Variants in RAB14 observed in about 807,000 individuals in gnomAD.
RAB14 encodes the protein ras-related protein Rab-14.
RAB14 carries 3 observed loss-of-function variants against 31.1 expected under a neutral mutation model. The ratio of observed to expected loss-of-function variants is 0.10; its 90% CI spans 0.04 to 0.25. The LOEUF (loss-of-function observed/expected upper bound fraction) is 0.25. Ranked by LOEUF, RAB14 falls within the 10% of genes least tolerant of loss-of-function variation. The probability of loss-of-function intolerance (pLI) is 1.00; values close to 1 mark genes in which losing one functional copy is unlikely to be tolerated. For synonymous variants in RAB14, 85 were observed against 84.9 expected (o/e 1.00, Z 0.00); for missense variants, 111 against 260.1 (o/e 0.43, Z 3.94).
At chr9:121,190,774 C>A (rs1487489855) in intron 3 of RAB14, 43 bp from the exon 4 acceptor site, 1 of 1,589,170 alleles carries the variant, frequency 6.3e-7, no homozygotes, top group Non-Finnish European at 8.6e-7. Context: ...TTTCAGAAAA[C>A]TTCAAATTAA....
chr9:121,189,830 C>T (rs896938349), intron 4 of RAB14, among the ~76,000 whole-genome samples: 1 of 152,096 alleles, frequency 6.6e-6, no homozygotes, highest in Non-Finnish European at 1.5e-5. Flanking sequence ...TTGCTTTTGA[C>T]TGGCACTTTA....
At chr9:121,194,645 A>G (rs2053705443) in intron 1 of RAB14, among the ~76,000 whole-genome samples, 1 of 151,958 alleles carries the variant, frequency 6.6e-6, no homozygotes, top group Non-Finnish European at 1.5e-5. Flanking sequence ...AGTATTTTTA[A>G]GCCTGGCTTT....
Position 121,187,029 on chromosome 9 carries a change from TAA to T in RAB14, c.285-12_285-11del, listed in dbSNP as rs1490424863. ...GTTATATGTACTTCTTCTGCAAAAA[TAA>T]AAGTTTAAATTTGTGACTGCCATAT... On this transcript the variant is annotated splice_polypyrimidine_tract_variant and intron_variant, in intron 4 of 7. Transcript: ENST00000373840. 6.5e-7 allele frequency: 1 copy of T among 1,528,370 alleles called. No homozygotes were observed. The highest frequency in any genetic ancestry group is 1.4e-5 in the African/African-American group (1 of 70,928). The allele number at this position is 1,528,370 out of a possible 1,614,324, so 94.7% of individuals were successfully genotyped here. A position where few individuals can be genotyped will look rare whatever the true frequency, so the allele number is the denominator to read the frequency against.
At chr9:121,187,091 ATATT>A (rs1385514963) in intron 4 of RAB14, 72 bp from the exon 5 acceptor site, 2 of 868,840 alleles carry the variant, frequency 2.3e-6, no homozygotes, top group African/African-American at 1.8e-5. Flanking sequence ...TTTAAAATAC[ATATT>A]TAATCAACAT....
chr9:121,181,501 C>T lies in RAB14; in HGVS notation c.543G>A (p.Leu181=). The T allele has an allele frequency of 6.2e-7, 1 of 1,613,486 alleles. No individual in the cohort carries two copies. The highest frequency in any genetic ancestry group is 8.5e-7 in the Non-Finnish European group (1 of 1,179,510). The change falls in exon 8 of 8, where the codon TTG becomes TTA. Residue 181 remains leucine, a synonymous_variant. Coordinates refer to ENST00000373840, the MANE Select transcript of RAB14 (RefSeq NM_016322.4). The part of the protein sequence containing the change: ...KIYQNIQDGS[L]DLNAAESGVQ... ...CACCAGACTCAGCAGCATTCAGATC[C>T]AAGCTTCCATCCTGAATGTTCTGAT...
Position 121,186,798 on chromosome 9 carries a change from A to G in RAB14, c.351+155T>C, listed in dbSNP as rs185836182. 2.8e-4 allele frequency among the ~76,000 whole-genome samples: 43 copies of G among 152,300 alleles called. 1 individual carries two copies. Among genetic ancestry groups the G allele is most frequent in the Admixed American group, 2.7e-3 (42 of 15,288 alleles). The stretch of plus-strand genomic sequence containing the variant: ...AACCTGGTTTAATAAGAACTGAAAA[A>G]TAACTGTTAGGTTTTCTTCAACTAA... On this transcript the variant is annotated intron_variant, in intron 5 of 7. Transcript: ENST00000373840.
intron 4 of RAB14, 34 bp downstream of exon 4, chr9:121,190,520 T>C (rs1045867098): frequency 8.5e-6 from 13 of 1,521,748 alleles, no homozygotes; most frequent in Non-Finnish European, 9.7e-6. Context: ...TAGATTTATT[T>C]TCCCCATATG....
In RAB14 at chr9:121,183,186, T is replaced by A. The variant is rs2053642478; in HGVS notation, c.439+125A>T. The stretch of plus-strand genomic sequence containing the variant: ...GAAATAGAAACACATTGTTACTTCC[T>A]CATTCTTGAGATTTCTGAGTCTGCA... On this transcript the variant is annotated intron_variant, in intron 6 of 7. Transcript: ENST00000373840. The A allele has an allele frequency of 1.9e-5, 16 of 840,782 alleles. No homozygotes were observed. The South Asian group carries it at 2.4e-4, about 13-fold the overall frequency. 52.1% of individuals were successfully genotyped at this position (840,782 alleles called of 1,614,324 possible).
At position 121,190,882 on chromosome 9, in the gene RAB14, C is replaced by T. The variant is rs1054149643; in HGVS notation, c.107-151G>A. The T allele has an allele frequency of 2.7e-5, 20 of 746,182 alleles. No homozygotes were observed. The African/African-American group carries it at 2.9e-4, about 11-fold the overall frequency. The allele number at this position is 746,182 out of a possible 1,614,324, so 46.2% of individuals were successfully genotyped here. On this transcript the variant is annotated intron_variant, in intron 3 of 7. Coordinates refer to ENST00000373840, the MANE Select transcript of RAB14 (RefSeq NM_016322.4). ...TACCGCTAAAAAAAAAATTAACAAA[C>T]ACCCAGAAGTAAGAAGTCAGGGAAA...
At chr9:121,185,847 C>A (rs1356217014) in intron 5 of RAB14, among the ~76,000 whole-genome samples, 2 of 152,024 alleles carry the variant, frequency 1.3e-5, no homozygotes. Context: ...CAGTTCTGGG[C>A]TACTGGAAAT....
At position 121,192,234 on chromosome 9, in the gene RAB14, A is replaced by G. The variant is rs2053690952; in HGVS notation, c.53-10T>C. 7 of 1,586,124 alleles carry G rather than the reference A, an allele frequency of 4.4e-6. No individual in the cohort carries two copies. The highest frequency in any genetic ancestry group is 1.8e-5 in the Admixed American group (1 of 56,882). ...CCTACTCCCATGTCCCCTGTTTAAA[A>G]AAAAAGAAGTTTCAGGTGGCAATTA... On this transcript the variant is annotated splice_polypyrimidine_tract_variant and intron_variant, in intron 2 of 7. Transcript: ENST00000373840.
chr9:121,200,346 T>C (rs1381422817), intron 1 of RAB14, among the ~76,000 whole-genome samples: 1 of 152,186 alleles, frequency 6.6e-6, no homozygotes, highest in Non-Finnish European at 1.5e-5. Flanking sequence ...TCCTCTACAA[T>C]ATTTACCTTA....
intron 1 of RAB14, among the ~76,000 whole-genome samples, chr9:121,199,201 A>C (rs1181174235): frequency 6.6e-6 from 1 of 152,254 alleles, no homozygotes; most frequent in Non-Finnish European, 1.5e-5. Context: ...ATTGTGTCTG[A>C]GATTTGCTTC....
chr9:121,187,995 A>T (rs1282686257), intron 4 of RAB14, among the ~76,000 whole-genome samples: 1 of 151,988 alleles, frequency 6.6e-6, no homozygotes, highest in Non-Finnish European at 1.5e-5. Context: ...CATGATCTCT[A>T]GCTGCCAGTT....
intron 1 of RAB14, among the ~76,000 whole-genome samples, chr9:121,201,342 AG>A (rs1049087427): frequency 2.0e-5 from 3 of 152,118 alleles, no homozygotes; most frequent in African/African-American, 7.2e-5. Flanking sequence ...AAGGCGGGGA[AG>A]GCGAGGCCGG....
chr9:121,199,412 T>C lies in RAB14; in HGVS notation c.-8+2227A>G, dbSNP rs1196116941. ...TTTGTCAAACTGTTGTCTTTAGCCA[T>C]GCCTGGCATTTTTTACCACATAAAA... On this transcript the variant is annotated intron_variant, in intron 1 of 7. Coordinates refer to ENST00000373840, the MANE Select transcript of RAB14 (RefSeq NM_016322.4). Among the ~76,000 whole-genome samples, 3 of 152,372 alleles carry C rather than the reference T, an allele frequency of 2.0e-5. No individual in the cohort carries two copies. The East Asian group carries it at 5.8e-4, about 29-fold the overall frequency.
intron 1 of RAB14, among the ~76,000 whole-genome samples, chr9:121,200,185 G>C (rs1195457780): frequency 6.6e-6 from 1 of 152,126 alleles, no homozygotes; most frequent in African/African-American, 2.4e-5. Flanking sequence ...TCTTAACCAC[G>C]ACATACCTCT....
rs2053681908 is a variant in RAB14 at position 121,190,743 on chromosome 9, G to A, written c.107-12C>T. 1 of 1,605,006 alleles carries A rather than the reference G, an allele frequency of 6.2e-7. No individual in the cohort carries two copies. Among genetic ancestry groups the A allele is most frequent in the Non-Finnish European group, 8.5e-7 (1 of 1,176,304 alleles). On this transcript the variant is annotated splice_polypyrimidine_tract_variant and intron_variant, in intron 3 of 7. Coordinates refer to ENST00000373840, the MANE Select transcript of RAB14 (RefSeq NM_016322.4). ...ACAATCAGCCATAACTGTTAAGGAG[G>A]AAAAAAAGTAATAGCCCAATTTTCA...
chr9:121,191,277 T>C (rs927524742), intron 3 of RAB14, among the ~76,000 whole-genome samples: 5 of 152,148 alleles, frequency 3.3e-5, no homozygotes, highest in Admixed American at 6.5e-5. Flanking sequence ...GAGTTGTTAG[T>C]CAAACAGATT....
Sources: allele counts gnomAD v4.1 joint callset (sites outside exome capture counted in the v4.1 genomes callset), GRCh38; gene constraint gnomAD v4.1.1; transcripts MANE v1.5; gene names NCBI Gene and HGNC (gene_info 2026-07-23, HGNC 2026-07-21).